TAFA4: variants seen among roughly 807,000 people sequenced by gnomAD.
TAFA4 encodes the protein TAFA chemokine like family member 4.
A neutral mutation model predicts 21.1 loss-of-function variants in TAFA4; 20 were observed. The observed-to-expected ratio is 0.95, with a 90% confidence interval of 0.67 to 1.38. The LOEUF is 1.38. Among genes scored for constraint, TAFA4 ranks in the 40% most tolerant of loss-of-function variants. The probability of loss-of-function intolerance (pLI) is 0.00; values close to 1 mark genes in which losing one functional copy is unlikely to be tolerated. For missense variants in TAFA4, 211 were observed against 180.9 expected (o/e 1.17, Z -0.95); for synonymous variants, 71 against 67.4 (o/e 1.05, Z -0.26).
intron 3 of TAFA4, among the ~76,000 whole-genome samples, chr3:68,862,420 G>A (rs541543126): frequency 5.9e-5 from 9 of 152,200 alleles, no homozygotes; most frequent in South Asian, 2.1e-4. Flanking sequence ...GTTGCTGTTC[G>A]TGCCAACAAG....
intron 5 of TAFA4, among the ~76,000 whole-genome samples, chr3:68,737,860 A>G (rs1267990898): frequency 5.3e-5 from 8 of 152,196 alleles, no homozygotes; most frequent in African/African-American, 1.9e-4. Context: ...CTCAATAGCA[A>G]TGAGAACCAA....
At chr3:68,744,572 G>A (rs1702419072) in intron 4 of TAFA4, among the ~76,000 whole-genome samples, 1 of 152,162 alleles carries the variant, frequency 6.6e-6, no homozygotes, top group South Asian at 2.1e-4. Flanking sequence ...CAACCTTTCA[G>A]CAGATAAATT....
chr3:68,869,660 A>G (rs1021712219), intron 3 of TAFA4, among the ~76,000 whole-genome samples: 3 of 152,072 alleles, frequency 2.0e-5, no homozygotes, highest in Non-Finnish European at 2.9e-5. Context: ...ACAATTCAAC[A>G]TTCTTTTATG....
intron 3 of TAFA4, among the ~76,000 whole-genome samples, chr3:68,769,242 T>C (rs1702909280): frequency 2.0e-5 from 3 of 152,206 alleles, no homozygotes; most frequent in Admixed American, 6.5e-5. Flanking sequence ...CCTGATGATC[T>C]GTCACTGTCT....
chr3:68,771,438 C>A (rs1575602289), intron 3 of TAFA4, among the ~76,000 whole-genome samples: 1 of 152,358 alleles, frequency 6.6e-6, no homozygotes, highest in Non-Finnish European at 1.5e-5. Flanking sequence ...ATCTGCCCAT[C>A]TGCATGCTCC....
At chr3:68,908,582 A>G (rs930884296) in intron 1 of TAFA4, among the ~76,000 whole-genome samples, 13 of 152,192 alleles carry the variant, frequency 8.5e-5, no homozygotes, top group Admixed American at 6.5e-5. Flanking sequence ...GGAATTCTCC[A>G]GAGGTAAATG....
intron 3 of TAFA4, among the ~76,000 whole-genome samples, chr3:68,802,979 A>G (rs1703607845): frequency 6.6e-6 from 1 of 152,200 alleles, no homozygotes; most frequent in Non-Finnish European, 1.5e-5. Flanking sequence ...GAGCTGTACA[A>G]TCCAAGAGAG....
chr3:68,743,847 G>A (rs920614528), intron 4 of TAFA4, among the ~76,000 whole-genome samples: 1 of 152,130 alleles, frequency 6.6e-6, no homozygotes, highest in African/African-American at 2.4e-5. Flanking sequence ...TCTTTCTACT[G>A]TAACACAATT....
chr3:68,849,817 T>C (rs937166194), intron 3 of TAFA4, among the ~76,000 whole-genome samples: 1 of 152,194 alleles, frequency 6.6e-6, no homozygotes, highest in South Asian at 2.1e-4. Flanking sequence ...TCACAAAGGA[T>C]CCATTACTGA....
chr3:68,796,485 A>G (rs1455323379), intron 3 of TAFA4, among the ~76,000 whole-genome samples: 1 of 152,184 alleles, frequency 6.6e-6, no homozygotes, highest in Non-Finnish European at 1.5e-5. Context: ...TAAAATCTAT[A>G]TATGTAACTC....
At chr3:68,797,507 G>A (rs1423659990) in intron 3 of TAFA4, among the ~76,000 whole-genome samples, 2 of 151,582 alleles carry the variant, frequency 1.3e-5, no homozygotes, top group Admixed American at 6.6e-5. Flanking sequence ...CAGCTACTTG[G>A]GAGGCTGAGG....
intron 1 of TAFA4, among the ~76,000 whole-genome samples, chr3:68,895,309 A>C (rs1416150003): frequency 6.6e-6 from 1 of 151,934 alleles, no homozygotes; most frequent in Non-Finnish European, 1.5e-5. Context: ...TAATTTTTGT[A>C]TTTTCAGTAG....
At chr3:68,773,724 A>C (rs905478769) in intron 3 of TAFA4, among the ~76,000 whole-genome samples, 12 of 152,198 alleles carry the variant, frequency 7.9e-5, no homozygotes, top group Admixed American at 5.9e-4. Context: ...TTATTATGCC[A>C]CATCAGGTAA....
chr3:68,807,219 G>C (rs1277615784), intron 3 of TAFA4, among the ~76,000 whole-genome samples: 1 of 152,160 alleles, frequency 6.6e-6, no homozygotes, highest in Non-Finnish European at 1.5e-5. Context: ...ACCTCACCAT[G>C]TTGGGTTTAT....
intron 1 of TAFA4, among the ~76,000 whole-genome samples, chr3:68,918,919 T>A (rs959477772): frequency 6.6e-6 from 1 of 152,308 alleles, no homozygotes; most frequent in Admixed American, 6.5e-5. Flanking sequence ...CTTTGTTTTT[T>A]AAAAATACCA....
chr3:68,842,704 T>C (rs1432697247), intron 3 of TAFA4, among the ~76,000 whole-genome samples: 1 of 152,242 alleles, frequency 6.6e-6, no homozygotes, highest in African/African-American at 2.4e-5. Context: ...TTAATCCATC[T>C]TGAGTTAATT....
In TAFA4 at chr3:68,752,995, T is replaced by C; in HGVS notation, c.154A>G (p.Thr52Ala). ...CTGTGCACGGCGACCACCTCACAGG[T>C]CCCTTGCTTGATTTGGTGGTGACCT... ...HAGHHQIKQG[T>A]CEVVAVHRCC... Residue 52 changes from threonine (T) to alanine (A), a missense_variant, in exon 4 of 6, where the codon ACC becomes GCC. Coordinates refer to ENST00000295569, the MANE Select transcript of TAFA4 (RefSeq NM_182522.5). 1 of 1,613,622 alleles carries C rather than the reference T, an allele frequency of 6.2e-7. No individual in the cohort carries two copies. The highest frequency in any genetic ancestry group is 8.5e-7 in the Non-Finnish European group (1 of 1,179,836).
At chr3:68,872,366 G>A (rs2089492630) in intron 3 of TAFA4, among the ~76,000 whole-genome samples, 1 of 152,034 alleles carries the variant, frequency 6.6e-6, no homozygotes, top group South Asian at 2.1e-4. Context: ...TTTCATACTG[G>A]TAGAAAGTTG....
intron 3 of TAFA4, among the ~76,000 whole-genome samples, chr3:68,820,590 T>C (rs1704092058): frequency 6.6e-6 from 1 of 151,836 alleles, no homozygotes; most frequent in Admixed American, 6.6e-5. Context: ...TACTTGAACC[T>C]AGGAGGTCAA....
Sources: allele counts gnomAD v4.1 joint callset (sites outside exome capture counted in the v4.1 genomes callset), GRCh38; gene constraint gnomAD v4.1.1; transcripts MANE v1.5; gene names NCBI Gene and HGNC (gene_info 2026-07-23, HGNC 2026-07-21).